RABEP1: variants seen among roughly 807,000 people sequenced by gnomAD.
The protein encoded by RABEP1 is rabaptin, RAB GTPase binding effector protein 1.
Under a neutral mutation model 123.4 loss-of-function variants are expected in RABEP1, and 51 were observed. The observed-to-expected ratio is 0.41, with a 90% CI of 0.33 to 0.52. The LOEUF is 0.52. Among genes scored for constraint, RABEP1 ranks in the 20% least tolerant of loss-of-function variants. The pLI, the probability that RABEP1 is intolerant of heterozygous loss-of-function variation, is 0.16. For missense variants in RABEP1, 888 were observed against 996.3 expected, an observed-to-expected ratio of 0.89 and a Z score of 1.46; for synonymous variants, 347 against 355.2, an observed-to-expected ratio of 0.98 and a Z score of 0.26.
intron 8 of RABEP1, 146 bp from the exon 9 acceptor site, chr17:5,361,061 AC>A: frequency 1.4e-6 from 1 of 717,236 alleles, no homozygotes; most frequent in Non-Finnish European, 2.3e-6. Flanking sequence ...TGTAGAAATG[AC>A]ACTTAGTGTT....
intron 13 of RABEP1, 40 bp from the exon 14 acceptor site, chr17:5,377,076 A>T: frequency 2.6e-6 from 4 of 1,530,188 alleles, no homozygotes; most frequent in Non-Finnish European, 2.6e-6. Flanking sequence ...ATTTCCTTTC[A>T]CTCTCACAAA....
intron 13 of RABEP1, among the ~76,000 whole-genome samples, chr17:5,376,122 T>C (rs1910972912): frequency 6.6e-6 from 1 of 152,092 alleles, no homozygotes; most frequent in Non-Finnish European, 1.5e-5. Context: ...GATTACAGGC[T>C]TTAGCCACCG....
chr17:5,290,249 G>A (rs1322697662), intron 1 of RABEP1, among the ~76,000 whole-genome samples: 2 of 151,966 alleles, frequency 1.3e-5, no homozygotes, highest in Non-Finnish European at 2.9e-5. Context: ...CACCACACCC[G>A]GCTAATTTTT....
At chr17:5,327,710 A>G (rs1231668288) in intron 2 of RABEP1, among the ~76,000 whole-genome samples, 1 of 152,228 alleles carries the variant, frequency 6.6e-6, no homozygotes, top group Non-Finnish European at 1.5e-5. Context: ...ACTCAAAATG[A>G]TCATTACCTT....
chr17:5,369,821 C>T (rs1382629786), intron 12 of RABEP1, among the ~76,000 whole-genome samples: 1 of 152,060 alleles, frequency 6.6e-6, no homozygotes, highest in Non-Finnish European at 1.5e-5. Context: ...CTGCCTCAGC[C>T]TCCTGAGTAG....
intron 8 of RABEP1, among the ~76,000 whole-genome samples, chr17:5,359,222 T>C (rs555970405): frequency 1.9e-3 from 293 of 152,178 alleles, no homozygotes; most frequent in East Asian, 6.4e-3. Context: ...TACAGGCACC[T>C]GCCACCACGC....
At chr17:5,320,421 CAAAAAAAA>C (rs60202531) in intron 2 of RABEP1, among the ~76,000 whole-genome samples, 353 of 84,662 alleles carry the variant, frequency 4.2e-3, no homozygotes, top group Admixed American at 7.6e-3. Flanking sequence ...GCTAACACAC[CAAAAAAAA>C]AAAAAAAAAA....
At chr17:5,291,594 TTTTTGTTTTG>T (rs909805745) in intron 1 of RABEP1, among the ~76,000 whole-genome samples, 1 of 152,168 alleles carries the variant, frequency 6.6e-6, no homozygotes, top group Non-Finnish European at 1.5e-5. Context: ...GTTGTAAGTT[TTTTTGTTTTG>T]TTTTGTTTTA....
chr17:5,381,115 C>G (rs1911412621), intron 16 of RABEP1, among the ~76,000 whole-genome samples: 1 of 152,118 alleles, frequency 6.6e-6, no homozygotes, highest in Non-Finnish European at 1.5e-5. Context: ...TGGTGATTAT[C>G]GTCACTGTCA....
intron 1 of RABEP1, among the ~76,000 whole-genome samples, chr17:5,292,156 G>T (rs1398118936): frequency 1.3e-5 from 2 of 152,152 alleles, no homozygotes; most frequent in African/African-American, 4.8e-5. Context: ...GACGATGTCT[G>T]TTAGTCTCAC....
At chr17:5,350,693 ATTACCTTATGTGT>A in intron 7 of RABEP1, 64 bp downstream of exon 7, 2 of 1,544,466 alleles carry the variant, frequency 1.3e-6, no homozygotes, top group South Asian at 1.1e-5. Flanking sequence ...ATGTGATTGC[ATTACCTTATGTGT>A]ATTAGAGACT....
In RABEP1 at chr17:5,383,855, A is replaced by G. The variant is rs1304539703; in HGVS notation, c.*632A>G. ...ACAAAACCAATTCATGAAGTGAATT[A>G]ATGATGAGGATCTGAAAACTTGGCT... On this transcript the variant is annotated 3_prime_UTR_variant, in exon 18 of 18. Transcript: ENST00000537505. The G allele has an allele frequency of 4.5e-6, 1 of 223,518 alleles. No individual in the cohort carries two copies. The highest frequency in any genetic ancestry group is 6.6e-5 in the East Asian group (1 of 15,150). 13.8% of individuals were successfully genotyped at this position (223,518 alleles called of 1,614,324 possible).
At chr17:5,304,935 A>G (rs538675348) in intron 1 of RABEP1, among the ~76,000 whole-genome samples, 1 of 152,348 alleles carries the variant, frequency 6.6e-6, no homozygotes, top group South Asian at 2.1e-4. Context: ...CATTAAATAA[A>G]TACTACCAAT....
intron 1 of RABEP1, among the ~76,000 whole-genome samples, chr17:5,299,303 T>G (rs1339593043): frequency 6.6e-6 from 1 of 152,150 alleles, no homozygotes; most frequent in Non-Finnish European, 1.5e-5. Context: ...TTGGTCCTTT[T>G]TCCTAAGGAT....
At chr17:5,329,319 C>T (rs1325495737) in intron 2 of RABEP1, among the ~76,000 whole-genome samples, 1 of 152,102 alleles carries the variant, frequency 6.6e-6, no homozygotes, top group Non-Finnish European at 1.5e-5. Flanking sequence ...CACCTGAGGT[C>T]AGGAGTTCAA....
At chr17:5,356,965 C>T (rs1343954848) in intron 8 of RABEP1, among the ~76,000 whole-genome samples, 2 of 152,118 alleles carry the variant, frequency 1.3e-5, no homozygotes, top group Admixed American at 1.3e-4. Flanking sequence ...GCAACCTCTG[C>T]CTCCCAGGTT....
chr17:5,328,806 C>T (rs548349381), intron 2 of RABEP1, among the ~76,000 whole-genome samples: 76 of 151,658 alleles, frequency 5.0e-4, no homozygotes, highest in African/African-American at 1.8e-3. Flanking sequence ...CAAAAATTCG[C>T]CAGGCGCAGT....
chr17:5,370,621 G>A (rs1910451827), intron 12 of RABEP1, among the ~76,000 whole-genome samples: 1 of 152,122 alleles, frequency 6.6e-6, no homozygotes. Flanking sequence ...ATCTCCTTGT[G>A]ATTTGATTCA....
chr17:5,325,169 CA>C (rs57112311), intron 2 of RABEP1, among the ~76,000 whole-genome samples: 17,974 of 150,292 alleles, frequency 0.12, 1,424 homozygotes, highest in African/African-American at 0.22. Flanking sequence ...AAAAACAAAC[CA>C]AAAAAAAACC....
Sources: allele counts gnomAD v4.1 joint callset (sites outside exome capture counted in the v4.1 genomes callset), GRCh38; gene constraint gnomAD v4.1.1; transcripts MANE v1.5; gene names NCBI Gene and HGNC (gene_info 2026-07-23, HGNC 2026-07-21).